Variants in NAV2 observed in about 807,000 individuals in gnomAD.
NAV2 encodes neuron navigator 2.
Under a neutral mutation model 223.2 loss-of-function variants are expected in NAV2, and 54 were observed. That is an observed-to-expected ratio of 0.24 (90% CI 0.19 to 0.30). The LOEUF is 0.30. NAV2 is among the 10% of genes least tolerant of loss of function. The probability of loss-of-function intolerance (pLI) is 1.00; values close to 1 mark genes in which losing one functional copy is unlikely to be tolerated. For synonymous variants in NAV2, 1,279 were observed against 1,239.3 expected (o/e 1.03, Z -0.67); for missense variants, 2,806 against 3,147.5 (o/e 0.89, Z 2.60).
At chr11:19,865,870 CT>C (rs5790096) in intron 3 of NAV2, among the ~76,000 whole-genome samples, 99,191 of 151,764 alleles carry the variant, frequency 0.65, 32,471 homozygotes, top group African/African-American at 0.66. Context: ...TGCTCTGATT[CT>C]TCTAGAGAAA....
intron 10 of NAV2, among the ~76,000 whole-genome samples, chr11:19,971,248 G>C (rs545208482): frequency 6.6e-6 from 1 of 152,160 alleles, no homozygotes; most frequent in African/African-American, 2.4e-5. Context: ...ACTATGCGAG[G>C]GACGGGGGTT....
intron 1 of NAV2, among the ~76,000 whole-genome samples, chr11:19,799,720 A>G (rs921645539): frequency 7.9e-5 from 12 of 152,274 alleles, no homozygotes; most frequent in Admixed American, 5.9e-4. Context: ...TGTTAAGGGA[A>G]TAGAGTCCCA....
intron 1 of NAV2, among the ~76,000 whole-genome samples, chr11:19,371,980 T>C (rs1312425023): frequency 6.6e-6 from 1 of 152,100 alleles, no homozygotes; most frequent in African/African-American, 2.4e-5. Context: ...GGTTTTACCA[T>C]GTTGGCCAGG....
At chr11:19,492,155 A>T (rs1410144661) in intron 1 of NAV2, among the ~76,000 whole-genome samples, 1 of 152,198 alleles carries the variant, frequency 6.6e-6, no homozygotes, top group Non-Finnish European at 1.5e-5. Context: ...ATAATAATGA[A>T]AATGTTTGAA....
chr11:20,062,448 C>T (rs867927233), intron 20 of NAV2, 89 bp downstream of exon 20: 1 of 996,088 alleles, frequency 1.0e-6, no homozygotes, highest in Middle Eastern at 2.1e-4. Context: ...ATGCATTTAT[C>T]CTAGGGAAAG....
At chr11:19,887,401 G>A (rs2153115899) in intron 5 of NAV2, among the ~76,000 whole-genome samples, 1 of 152,180 alleles carries the variant, frequency 6.6e-6, no homozygotes, top group East Asian at 1.9e-4. Context: ...GATATGAGGT[G>A]CAGTTAAACC....
chr11:19,863,845 T>C (rs1162526793), intron 3 of NAV2, among the ~76,000 whole-genome samples: 3 of 152,232 alleles, frequency 2.0e-5, no homozygotes, highest in African/African-American at 2.4e-5. Context: ...CACCACTATA[T>C]ACTCAACACC....
At chr11:19,797,069 C>G (rs10833172) in intron 1 of NAV2, among the ~76,000 whole-genome samples, 2 of 151,914 alleles carry the variant, frequency 1.3e-5, no homozygotes, top group African/African-American at 4.8e-5. Context: ...ACTGGCCCCC[C>G]ACACGGGTTT....
chr11:19,919,751 G>T (rs994071427), intron 6 of NAV2, among the ~76,000 whole-genome samples: 1 of 152,230 alleles, frequency 6.6e-6, no homozygotes, highest in Non-Finnish European at 1.5e-5. Context: ...GCAGTTTGCA[G>T]TGTGCTTTCA....
chr11:19,674,004 T>C (rs1590069958), intron 1 of NAV2, among the ~76,000 whole-genome samples: 3 of 152,278 alleles, frequency 2.0e-5, no homozygotes, highest in Admixed American at 2.0e-4. Flanking sequence ...TTTATGGCCA[T>C]GGAGCTAATT....
intron 1 of NAV2, among the ~76,000 whole-genome samples, chr11:19,717,787 A>G (rs1190018605): frequency 6.6e-6 from 1 of 152,148 alleles, no homozygotes; most frequent in Non-Finnish European, 1.5e-5. Flanking sequence ...GGTGATTATT[A>G]TTTTTAGCTT....
chr11:19,516,731 G>C (rs1459950870), intron 1 of NAV2, among the ~76,000 whole-genome samples: 2 of 152,216 alleles, frequency 1.3e-5, no homozygotes, highest in Non-Finnish European at 2.9e-5. Flanking sequence ...ATAAAGCCAA[G>C]GGACTTCCTG....
At chr11:19,349,361 G>A (rs1289315630), upstream of NAV2, among the ~76,000 whole-genome samples, 1 of 152,178 alleles carries the variant, frequency 6.6e-6, no homozygotes, top group Non-Finnish European at 1.5e-5. Flanking sequence ...CAAGCCCTCT[G>A]TGGCCGAGTC....
At chr11:19,507,601 A>G (rs2043160569) in intron 1 of NAV2, among the ~76,000 whole-genome samples, 1 of 152,206 alleles carries the variant, frequency 6.6e-6, no homozygotes. Flanking sequence ...GGATCATTAA[A>G]CCAAAGTTGG....
intron 1 of NAV2, among the ~76,000 whole-genome samples, chr11:19,532,815 C>G (rs1028847798): frequency 6.6e-6 from 1 of 152,214 alleles, no homozygotes; most frequent in African/African-American, 2.4e-5. Context: ...GTCCCACATA[C>G]AAGGGGAAGA....
At chr11:19,964,123 T>C (rs1194089757) in intron 10 of NAV2, among the ~76,000 whole-genome samples, 4 of 151,948 alleles carry the variant, frequency 2.6e-5, no homozygotes, top group Non-Finnish European at 2.9e-5. Flanking sequence ...TCTTTGGGAG[T>C]TGTTAATTAA....
At chr11:19,762,641 A>C (rs949611076) in intron 1 of NAV2, among the ~76,000 whole-genome samples, 2 of 130,872 alleles carry the variant, frequency 1.5e-5, no homozygotes, top group Non-Finnish European at 3.1e-5. Context: ...TTGAGATGAC[A>C]TCTCACTCTG....
chr11:19,945,664 T>A (rs1196468044), intron 8 of NAV2, among the ~76,000 whole-genome samples: 2 of 152,168 alleles, frequency 1.3e-5, no homozygotes, highest in Non-Finnish European at 2.9e-5. Context: ...TCTTACAGGC[T>A]CCCTGCTCTA....
chr11:19,626,503 T>C (rs2047175977), intron 1 of NAV2, among the ~76,000 whole-genome samples: 1 of 152,204 alleles, frequency 6.6e-6, no homozygotes, highest in African/African-American at 2.4e-5. Flanking sequence ...ATTACTTTGG[T>C]TATTTGGGGT....
Sources: gnomAD v4.1 joint callset for allele counts (sites outside exome capture counted in the v4.1 genomes callset) on GRCh38, gnomAD v4.1.1 for gene constraint, MANE v1.5 for transcripts, NCBI Gene and HGNC (gene_info 2026-07-23, HGNC 2026-07-21) for gene names.